Variants in LRP1B observed in about 807,000 individuals in gnomAD.
The protein encoded by LRP1B is LDL receptor related protein 1B.
LRP1B carries 217 observed loss-of-function variants against 556.6 expected under a neutral mutation model. That is an observed-to-expected ratio of 0.39 (90% CI 0.35 to 0.44). The LOEUF (loss-of-function observed/expected upper bound fraction) is 0.44. LRP1B is among the 20% of genes least tolerant of loss of function. The probability of loss-of-function intolerance (pLI) is 1.00; values close to 1 mark genes in which losing one functional copy is unlikely to be tolerated. For synonymous variants in LRP1B, 2,047 were observed against 1,865.8 expected, an observed-to-expected ratio of 1.10 and a Z score of -2.50; for missense variants, 5,053 against 5,620.8, an observed-to-expected ratio of 0.90 and a Z score of 3.23.
Position 140,870,827 on chromosome 2 carries a change from C to A in LRP1B, c.4170-2564G>T, listed in dbSNP as rs559002664. Among the ~76,000 whole-genome samples the A allele has an allele frequency of 1.3e-5, 2 of 151,972 alleles. 1 individual carries two copies. Among genetic ancestry groups the A allele is most frequent in the African/African-American group, 4.8e-5 (2 of 41,486 alleles). On this transcript the variant is annotated intron_variant, in intron 25 of 90. Coordinates refer to ENST00000389484, the MANE Select transcript of LRP1B (RefSeq NM_018557.3). ...ACAATCCTTTACAAAATTTAAAATTCAATTAATCCACTTCCTTTTAAAAAA... is the reference window on the plus strand; with the variant it reads ...ACAATCCTTTACAAAATTTAAAATTAAATTAATCCACTTCCTTTTAAAAAA...
chr2:140,963,315 A>G lies in LRP1B; in HGVS notation c.2888-11375T>C, dbSNP rs147066966. Among the ~76,000 whole-genome samples the G allele has an allele frequency of 1.2e-4, 18 of 152,270 alleles. No individual in the cohort carries two copies. In the East Asian group the frequency reaches 3.5e-3, roughly 29 times the overall value. On this transcript the variant is annotated intron_variant, in intron 18 of 90. Coordinates refer to ENST00000389484, the MANE Select transcript of LRP1B (RefSeq NM_018557.3). ...AAGAAGATTATTTGGAAGGAAGAAG[A>G]AAGAAGAAAGGAAAAGAACATAAAT... is the stretch of plus-strand genomic sequence containing the variant.
chr2:141,619,249 C>G (rs1688417238), intron 2 of LRP1B, among the ~76,000 whole-genome samples: 1 of 152,170 alleles, frequency 6.6e-6, no homozygotes, highest in South Asian at 2.1e-4. Context: ...ACTGTCCTAC[C>G]TCTATTACCG....
chr2:140,980,226 G>C (rs995636984), intron 18 of LRP1B, among the ~76,000 whole-genome samples: 6 of 151,930 alleles, frequency 3.9e-5, no homozygotes, highest in African/African-American at 1.5e-4. Flanking sequence ...TGATTCCAGG[G>C]CCTCTCTGTA....
At chr2:140,817,096 AC>A (rs1400719466) in intron 31 of LRP1B, among the ~76,000 whole-genome samples, 3 of 152,124 alleles carry the variant, frequency 2.0e-5, no homozygotes, top group Non-Finnish European at 1.5e-5. Flanking sequence ...TATTTATAAA[AC>A]TGTCCTGGAA....
At chr2:140,445,161 T>A (rs192183047) in intron 63 of LRP1B, among the ~76,000 whole-genome samples, 104 of 152,012 alleles carry the variant, frequency 6.8e-4, no homozygotes, top group African/African-American at 2.4e-3. Context: ...TGTCGCCCAG[T>A]CTGGAGTGCA....
Position 142,026,799 on chromosome 2 carries a change from ATAAACATATTTT to A in LRP1B, c.82+103837_82+103848del, listed in dbSNP as rs559463956. On this transcript the variant is annotated intron_variant, in intron 1 of 90. Transcript: ENST00000389484. ...ATACTTTGGCCAATTACATAAAAATATAAACATATTTTTGTTTTCAAGTATGTAACTTCCAGT... is the reference window on the plus strand; with the variant it reads ...ATACTTTGGCCAATTACATAAAAATATGTTTTCAAGTATGTAACTTCCAGT... Among the ~76,000 whole-genome samples, 764 of 152,162 alleles carry A rather than the reference ATAAACATATTTT, an allele frequency of 5.0e-3. 6 individuals are homozygous for A. The highest frequency in any genetic ancestry group is 0.017 in the African/African-American group (717 of 41,550).
chr2:141,162,373 A>G (rs1221335622), intron 7 of LRP1B, among the ~76,000 whole-genome samples: 1 of 152,006 alleles, frequency 6.6e-6, no homozygotes, highest in African/African-American at 2.4e-5. Flanking sequence ...AGGAGTATTC[A>G]CGATCTTTTG....
At chr2:142,033,184 A>C (rs1481076015) in intron 1 of LRP1B, among the ~76,000 whole-genome samples, 1 of 151,870 alleles carries the variant, frequency 6.6e-6, no homozygotes, top group Non-Finnish European at 1.5e-5. Flanking sequence ...TCCTATAATT[A>C]GGAATTGAAT....
At chr2:141,193,159 T>C (rs2105205809) in intron 6 of LRP1B, among the ~76,000 whole-genome samples, 1 of 152,108 alleles carries the variant, frequency 6.6e-6, no homozygotes, top group South Asian at 2.1e-4. Flanking sequence ...TCAACCATTG[T>C]AGAAAGCAGT....
chr2:141,491,047 C>T (rs2105112329), intron 2 of LRP1B, among the ~76,000 whole-genome samples: 1 of 150,700 alleles, frequency 6.6e-6, no homozygotes, highest in South Asian at 2.1e-4. Flanking sequence ...CTTATGAAAA[C>T]AATGAATCAG....
intron 35 of LRP1B, among the ~76,000 whole-genome samples, chr2:140,762,797 C>T (rs942975203): frequency 2.0e-5 from 3 of 152,022 alleles, no homozygotes; most frequent in African/African-American, 7.2e-5. Flanking sequence ...AAATTAATGG[C>T]CCAAAAATTC....
intron 2 of LRP1B, among the ~76,000 whole-genome samples, chr2:141,720,251 T>C (rs1692765012): frequency 6.6e-6 from 1 of 152,136 alleles, no homozygotes; most frequent in African/African-American, 2.4e-5. Context: ...CTAGATAATT[T>C]CTCTGCTTCT....
chr2:140,629,066 T>C (rs888135862), intron 41 of LRP1B, among the ~76,000 whole-genome samples: 1 of 152,098 alleles, frequency 6.6e-6, no homozygotes, highest in Non-Finnish European at 1.5e-5. Context: ...TTTTATTTTT[T>C]ATTTTGAGAT....
At chr2:141,184,439 A>G (rs1681148382) in intron 7 of LRP1B, among the ~76,000 whole-genome samples, 1 of 151,906 alleles carries the variant, frequency 6.6e-6, no homozygotes, top group Non-Finnish European at 1.5e-5. Context: ...TGCCCACTCT[A>G]TACCCGGAGG....
intron 32 of LRP1B, among the ~76,000 whole-genome samples, chr2:140,791,185 C>T (rs992763860): frequency 3.3e-5 from 5 of 152,008 alleles, no homozygotes; most frequent in African/African-American, 1.2e-4. Flanking sequence ...ACCCAGGAGG[C>T]AGAGGTTGCA....
intron 2 of LRP1B, among the ~76,000 whole-genome samples, chr2:141,605,203 T>C (rs1449039827): frequency 2.0e-5 from 3 of 152,116 alleles, no homozygotes; most frequent in Non-Finnish European, 4.4e-5. Flanking sequence ...CAGCCTGTTT[T>C]GTATGACACT....
chr2:140,905,886 T>A (rs958185668), intron 22 of LRP1B, among the ~76,000 whole-genome samples: 2 of 152,162 alleles, frequency 1.3e-5, no homozygotes, highest in Admixed American at 6.6e-5. Context: ...TTTAGAGTAA[T>A]TAAAATCTAT....
chr2:141,576,414 A>G (rs1452912831), intron 2 of LRP1B, among the ~76,000 whole-genome samples: 1 of 152,170 alleles, frequency 6.6e-6, no homozygotes, highest in Non-Finnish European at 1.5e-5. Flanking sequence ...ACACATGGAC[A>G]CAGAGAGGGG....
intron 43 of LRP1B, among the ~76,000 whole-genome samples, chr2:140,565,968 C>T (rs1469669294): frequency 2.0e-5 from 3 of 152,174 alleles, no homozygotes; most frequent in Non-Finnish European, 4.4e-5. Context: ...GAAGGAGCTG[C>T]CTGGAGTCCA....
Sources: gnomAD v4.1 joint callset for allele counts (sites outside exome capture counted in the v4.1 genomes callset) on GRCh38, gnomAD v4.1.1 for gene constraint, MANE v1.5 for transcripts, NCBI Gene and HGNC (gene_info 2026-07-23, HGNC 2026-07-21) for gene names.